AUTS2: variants seen among roughly 807,000 people sequenced by gnomAD.
AUTS2 encodes the protein autism susceptibility gene 2 protein.
In AUTS2, 17 loss-of-function variants were observed where a neutral mutation model predicts 112.4. That is an observed-to-expected ratio of 0.15 (90% CI 0.10 to 0.23). The LOEUF (loss-of-function observed/expected upper bound fraction) is 0.23. Among genes scored for constraint, AUTS2 ranks in the 10% least tolerant of loss-of-function variants. AUTS2 has a pLI of 1.00. For synonymous variants in AUTS2, 751 were observed against 702.7 expected, an observed-to-expected ratio of 1.07 and a Z score of -1.09; for missense variants, 1,510 against 1,701.6, an observed-to-expected ratio of 0.89 and a Z score of 1.98.
chr7:70,376,757 A>G (rs1332028596), intron 4 of AUTS2, among the ~76,000 whole-genome samples: 1 of 149,690 alleles, frequency 6.7e-6, no homozygotes, highest in African/African-American at 2.5e-5. Flanking sequence ...CTGGGAGGAT[A>G]AGGAAAGTGC....
intron 6 of AUTS2, among the ~76,000 whole-genome samples, chr7:70,747,942 G>A (rs575446283): frequency 4.1e-5 from 6 of 148,112 alleles, no homozygotes; most frequent in African/African-American, 1.0e-4. Context: ...CTGCCTCAGC[G>A]TCCCCAGTAG....
At chr7:70,503,145 C>A (rs1166688329) in intron 5 of AUTS2, among the ~76,000 whole-genome samples, 1 of 151,904 alleles carries the variant, frequency 6.6e-6, no homozygotes, top group East Asian at 1.9e-4. Context: ...TGCAGCTAGT[C>A]GGTTATTTCA....
intron 5 of AUTS2, among the ~76,000 whole-genome samples, chr7:70,508,652 G>C (rs765082686): frequency 1.3e-5 from 2 of 152,134 alleles, no homozygotes; most frequent in African/African-American, 4.8e-5. Flanking sequence ...GAGTGTGTGC[G>C]CGTACATACA....
At chr7:70,447,165 T>C (rs770850048) in intron 5 of AUTS2, among the ~76,000 whole-genome samples, 33 of 152,368 alleles carry the variant, frequency 2.2e-4, no homozygotes, top group Non-Finnish European at 4.3e-4. Flanking sequence ...CGTCCAGCCA[T>C]GTAGCTGGAC....
chr7:69,632,898 T>C (rs1391243829), intron 1 of AUTS2, among the ~76,000 whole-genome samples: 1 of 152,140 alleles, frequency 6.6e-6, no homozygotes, highest in African/African-American at 2.4e-5. Flanking sequence ...TATATAAGAT[T>C]ATAGGATGCA....
intron 6 of AUTS2, among the ~76,000 whole-genome samples, chr7:70,758,046 T>G (rs1393046429): frequency 6.6e-6 from 1 of 152,122 alleles, no homozygotes; most frequent in East Asian, 1.9e-4. Context: ...CCTCCCAAAG[T>G]GCTAGGATTA....
At chr7:70,342,823 C>T (rs941741319) in intron 4 of AUTS2, among the ~76,000 whole-genome samples, 2 of 152,132 alleles carry the variant, frequency 1.3e-5, no homozygotes, top group African/African-American at 4.8e-5. Context: ...CAGACTTTTT[C>T]CAGTGCTGTC....
At chr7:70,144,925 C>A (rs1316207371) in intron 4 of AUTS2, among the ~76,000 whole-genome samples, 1 of 152,064 alleles carries the variant, frequency 6.6e-6, no homozygotes, top group Non-Finnish European at 1.5e-5. Context: ...ATTGAAAAAT[C>A]TCTGTTGAAG....
At chr7:69,659,465 T>C (rs1401513017) in intron 1 of AUTS2, among the ~76,000 whole-genome samples, 1 of 151,876 alleles carries the variant, frequency 6.6e-6, no homozygotes, top group Non-Finnish European at 1.5e-5. Context: ...TTTTTTTTTT[T>C]TTCAAAACGC....
intron 1 of AUTS2, among the ~76,000 whole-genome samples, chr7:69,884,343 C>A (rs964704997): frequency 2.0e-5 from 3 of 152,200 alleles, no homozygotes; most frequent in Admixed American, 1.3e-4. Flanking sequence ...ATATAGCAGT[C>A]ATTTTCTCAA....
intron 4 of AUTS2, among the ~76,000 whole-genome samples, chr7:70,265,336 T>C (rs1257340112): frequency 1.3e-5 from 2 of 152,190 alleles, no homozygotes; most frequent in Admixed American, 1.3e-4. Flanking sequence ...TGTTGCTGGC[T>C]AGTTTCTTGT....
intron 5 of AUTS2, among the ~76,000 whole-genome samples, chr7:70,486,268 A>G (rs1797994789): frequency 6.6e-6 from 1 of 152,170 alleles, no homozygotes. Flanking sequence ...TGAGGCTCAC[A>G]TCTTGTCTCT....
chr7:69,899,629 G>A (rs2129540505), intron 2 of AUTS2, 131 bp downstream of exon 2: 2 of 816,298 alleles, frequency 2.5e-6, no homozygotes, highest in South Asian at 1.8e-5. Flanking sequence ...GTCCAACAAA[G>A]CTGTGTGCGT....
chr7:70,466,402 A>T (rs1797168066), intron 5 of AUTS2, among the ~76,000 whole-genome samples: 2 of 152,320 alleles, frequency 1.3e-5, no homozygotes, highest in Admixed American at 1.3e-4. Flanking sequence ...AGCTAGTGAT[A>T]TCTGTTATTC....
chr7:69,969,286 TAA>T (rs1353739665), intron 2 of AUTS2, among the ~76,000 whole-genome samples: 2 of 152,156 alleles, frequency 1.3e-5, no homozygotes, highest in African/African-American at 2.4e-5. Flanking sequence ...AGGAGAACGT[TAA>T]GTTAATTGCT....
rs191827312 is a variant in AUTS2, at chr7:69,914,629, C to G, written c.522+15131C>G. Among the ~76,000 whole-genome samples, 3 of 151,672 alleles carry G rather than the reference C, an allele frequency of 2.0e-5. No homozygotes were observed. The East Asian group carries it at 5.9e-4, about 30-fold the overall frequency. ...GAATTGCTAGTGCAGCCAGGAAAAG[C>G]TGACCTAGGAAAACCATAGCCTTCC... is the stretch of plus-strand genomic sequence containing the variant. On this transcript the variant is annotated intron_variant, in intron 2 of 18. Coordinates refer to ENST00000342771, the MANE Select transcript of AUTS2 (RefSeq NM_015570.4).
intron 2 of AUTS2, among the ~76,000 whole-genome samples, chr7:70,002,209 G>A (rs1297137713): frequency 6.6e-6 from 1 of 152,136 alleles, no homozygotes; most frequent in Admixed American, 6.5e-5. Context: ...CCAATAACTT[G>A]GGGATGTCAT....
chr7:70,275,385 A>G (rs1787880001), intron 4 of AUTS2, among the ~76,000 whole-genome samples: 1 of 152,216 alleles, frequency 6.6e-6, no homozygotes, highest in Admixed American at 6.5e-5. Flanking sequence ...AGTCACCAGG[A>G]ACTGGGAAGA....
At chr7:70,786,131 A>T in intron 17 of AUTS2, 93 bp downstream of exon 17, 1 of 914,118 alleles carries the variant, frequency 1.1e-6, no homozygotes, top group Non-Finnish European at 1.6e-6. Context: ...AAAGGAAACT[A>T]TGCTCTGGGG....
Sources: allele counts gnomAD v4.1 joint callset (sites outside exome capture counted in the v4.1 genomes callset), GRCh38; gene constraint gnomAD v4.1.1; transcripts MANE v1.5; gene names NCBI Gene and HGNC (gene_info 2026-07-23, HGNC 2026-07-21).